FRMPD4: variants seen among roughly 807,000 people sequenced by gnomAD.
The protein encoded by FRMPD4 is FERM and PDZ domain containing 4, also known as FERM and PDZ domain-containing protein 4.
Under a neutral mutation model 94.1 loss-of-function variants are expected in FRMPD4, and 22 were observed. That is an observed-to-expected ratio of 0.23 (90% CI 0.17 to 0.33). FRMPD4 has a LOEUF of 0.33. Ranked by LOEUF, FRMPD4 falls within the 10% of genes least tolerant of loss-of-function variation. FRMPD4 has a pLI of 1.00. For missense variants in FRMPD4, 1,111 were observed against 1,339.9 expected (o/e 0.83, Z 2.67); for synonymous variants, 631 against 548.6 (o/e 1.15, Z -2.10).
chrX:12,076,432 G>A (rs1029666204), intron 3 of FRMPD4, among the ~76,000 whole-genome samples: 13 of 109,686 alleles, frequency 1.2e-4, no homozygotes, highest in African/African-American at 4.3e-4. Context: ...TTACAGGACA[G>A]CCTAGTGTCT....
At chrX:12,617,281 A>G (rs1486021904) in intron 4 of FRMPD4, among the ~76,000 whole-genome samples, 2 of 112,415 alleles carry the variant, frequency 1.8e-5, no homozygotes, top group Non-Finnish European at 3.7e-5. Context: ...CATGGAAATC[A>G]TATAAAATTC....
intron 1 of FRMPD4, among the ~76,000 whole-genome samples, chrX:12,492,915 A>G (rs1255596134): frequency 1.8e-5 from 2 of 111,664 alleles, no homozygotes; most frequent in Non-Finnish European, 3.8e-5. Context: ...TTCAGGACCT[A>G]TGTGTGTCTA....
At chrX:12,059,408 C>T (rs769700597) in intron 3 of FRMPD4, among the ~76,000 whole-genome samples, 7 of 111,257 alleles carry the variant, frequency 6.3e-5, no homozygotes, top group East Asian at 2.8e-4. Context: ...CTTTTTTATC[C>T]GTACTCATAA....
chrX:12,636,131 C>A (rs936033018), intron 4 of FRMPD4, among the ~76,000 whole-genome samples: 1 of 112,010 alleles, frequency 8.9e-6, no homozygotes, highest in Non-Finnish European at 1.9e-5. Flanking sequence ...AGTCAAATCT[C>A]TTCCATGGTC....
At chrX:12,655,328 C>T (rs2059642564) in intron 4 of FRMPD4, among the ~76,000 whole-genome samples, 2 of 112,045 alleles carry the variant, frequency 1.8e-5, no homozygotes, top group Admixed American at 1.9e-4. Context: ...TGTCCCTGAA[C>T]ACCATCTCTA....
At chrX:12,633,919 A>G (rs777833070) in intron 4 of FRMPD4, among the ~76,000 whole-genome samples, 1 of 112,752 alleles carries the variant, frequency 8.9e-6, no homozygotes, top group Non-Finnish European at 1.9e-5. Context: ...CTTGATAACA[A>G]CTTAAAGATA....
At chrX:12,431,095 T>A (rs2148107433) in intron 1 of FRMPD4, among the ~76,000 whole-genome samples, 1 of 113,001 alleles carries the variant, frequency 8.8e-6, no homozygotes, top group South Asian at 3.6e-4. Flanking sequence ...CATTTACTCA[T>A]TCATTTATGC....
At chrX:11,931,996 A>G (rs1356741081) in intron 3 of FRMPD4, among the ~76,000 whole-genome samples, 1 of 112,084 alleles carries the variant, frequency 8.9e-6, no homozygotes. Flanking sequence ...GTTAGATTGG[A>G]AAAAGAAATG....
intron 1 of FRMPD4, among the ~76,000 whole-genome samples, chrX:12,161,842 G>A (rs1400178399): frequency 9.0e-6 from 1 of 111,424 alleles, no homozygotes; most frequent in Non-Finnish European, 1.9e-5. Context: ...TCTCATTTCC[G>A]ATAATGTGAG....
chrX:12,615,300 A>G (rs1006730644), intron 4 of FRMPD4, among the ~76,000 whole-genome samples: 5 of 112,446 alleles, frequency 4.4e-5, no homozygotes, highest in African/African-American at 1.3e-4. Flanking sequence ...CTGATACTTC[A>G]TATTTGACTA....
At chrX:12,287,655 C>A (rs1313745704) in intron 1 of FRMPD4, among the ~76,000 whole-genome samples, 1 of 111,401 alleles carries the variant, frequency 9.0e-6, no homozygotes, top group Non-Finnish European at 1.9e-5. Context: ...TGAGTTGAGA[C>A]CAAGTGTCAA....
At chrX:12,376,723 A>G (rs376113548) in intron 1 of FRMPD4, among the ~76,000 whole-genome samples, 13 of 112,829 alleles carry the variant, frequency 1.2e-4, no homozygotes, top group East Asian at 5.6e-4. Flanking sequence ...GAAAATTCTG[A>G]CCATTTGTAA....
chrX:12,503,200 G>A (rs1358746704), intron 2 of FRMPD4, among the ~76,000 whole-genome samples: 1 of 111,683 alleles, frequency 9.0e-6, no homozygotes, highest in African/African-American at 3.3e-5. Flanking sequence ...TAGAGTCTGG[G>A]GATAGAGATG....
chrX:12,358,218 T>G (rs1324900099), intron 1 of FRMPD4, among the ~76,000 whole-genome samples: 2 of 111,528 alleles, frequency 1.8e-5, no homozygotes, highest in African/African-American at 6.5e-5. Flanking sequence ...TTCTACTGCT[T>G]TCTCAGATTA....
At chrX:12,397,001 C>T (rs1019821878) in intron 1 of FRMPD4, among the ~76,000 whole-genome samples, 1 of 111,325 alleles carries the variant, frequency 9.0e-6, no homozygotes, top group Admixed American at 9.5e-5. Context: ...CTGAGGAGGC[C>T]GGCCCAATGC....
At chrX:12,059,611 C>G (rs2054873792) in intron 3 of FRMPD4, among the ~76,000 whole-genome samples, 1 of 108,470 alleles carries the variant, frequency 9.2e-6, no homozygotes, top group Non-Finnish European at 1.9e-5. Flanking sequence ...TCCTTGTCCC[C>G]CTTCCTCCTG....
At chrX:12,310,221 T>TG (rs771112171) in intron 1 of FRMPD4, among the ~76,000 whole-genome samples, 1,031 of 97,340 alleles carry the variant, frequency 0.011, 15 homozygotes, top group African/African-American at 0.037. Flanking sequence ...TGGGCAGGAG[T>TG]GGGGGGTCGC....
intron 1 of FRMPD4, among the ~76,000 whole-genome samples, chrX:12,477,889 A>G (rs979201540): frequency 5.3e-5 from 6 of 112,255 alleles, no homozygotes; most frequent in Non-Finnish European, 1.1e-4. Context: ...TCTTTTTCCT[A>G]TCTCCAAGTA....
rs147567346 is a variant in FRMPD4, at chrX:12,349,400, G to A, written c.42-149280G>A. Among the ~76,000 whole-genome samples the A allele has an allele frequency of 2.6e-3, 288 of 110,016 alleles. 1 individual carries two copies. The highest frequency in any genetic ancestry group is 8.7e-3 in the African/African-American group (262 of 30,233). ...AAGTCACCTGGGGAGCGAGGGGGTCGGTTAGTAAGGCGCCCTCTGGAGTCC... is the reference window on the plus strand; with the variant it reads ...AAGTCACCTGGGGAGCGAGGGGGTCAGTTAGTAAGGCGCCCTCTGGAGTCC... On this transcript the variant is annotated intron_variant, in intron 1 of 16. Transcript: ENST00000675598.
Sources: allele counts gnomAD v4.1 joint callset (sites outside exome capture counted in the v4.1 genomes callset), GRCh38; gene constraint gnomAD v4.1.1; transcripts MANE v1.5; gene names NCBI Gene and HGNC (gene_info 2026-07-23, HGNC 2026-07-21).